BMP7: variants seen among roughly 807,000 people sequenced by gnomAD.
The protein encoded by BMP7 is bone morphogenetic protein 7.
Under a neutral mutation model 41.2 loss-of-function variants are expected in BMP7, and 12 were observed. The observed-to-expected ratio is 0.29, with a 90% CI of 0.19 to 0.47. BMP7 has a LOEUF of 0.47. Among genes scored for constraint, BMP7 ranks in the 20% least tolerant of loss-of-function variants. The pLI is 0.99. For synonymous variants in BMP7, 248 were observed against 250.0 expected (o/e 0.99, Z 0.07); for missense variants, 467 against 606.0 (o/e 0.77, Z 2.41).
intron 3 of BMP7, among the ~76,000 whole-genome samples, chr20:57,197,423 G>T (rs1207756098): frequency 6.6e-6 from 1 of 152,158 alleles, no homozygotes; most frequent in Non-Finnish European, 1.5e-5. Flanking sequence ...TGGGTCCCCT[G>T]CAGGGGCTCA....
chr20:57,229,778 G>A (rs541629560), intron 1 of BMP7, among the ~76,000 whole-genome samples: 3 of 152,350 alleles, frequency 2.0e-5, no homozygotes, highest in East Asian at 1.9e-4. Flanking sequence ...CTCAGGCTGG[G>A]TTATGGCTGC....
chr20:57,235,910 TAGGGAGTGAGGACAGAGGC>T (rs55692621), intron 1 of BMP7, among the ~76,000 whole-genome samples: 45,105 of 150,134 alleles, frequency 0.3, 7,354 homozygotes, highest in South Asian at 0.39. Flanking sequence ...AAGTGGATTA[TAGGGAGTGAGGACAGAGGC>T]AGGGAGTGAG....
rs78791868 is a variant in BMP7, at chr20:57,203,139, C to T, written c.612-516G>A. 9.6e-3 allele frequency among the ~76,000 whole-genome samples: 1,468 copies of T among 152,196 alleles called. 14 individuals are homozygous for T. The highest frequency in any genetic ancestry group is 0.027 in the Middle Eastern group (8 of 294). ...CCAAGGTCATTTAACCAGGAAGTTGCCAAGCTGGGGTTTCAGCCCATTTAC... is the reference window on the plus strand; with the variant it reads ...CCAAGGTCATTTAACCAGGAAGTTGTCAAGCTGGGGTTTCAGCCCATTTAC... On this transcript the variant is annotated intron_variant, in intron 2 of 6. Coordinates refer to ENST00000395863, the MANE Select transcript of BMP7 (RefSeq NM_001719.3).
intron 2 of BMP7, among the ~76,000 whole-genome samples, chr20:57,211,394 G>C (rs1482628369): frequency 6.6e-6 from 1 of 152,186 alleles, no homozygotes; most frequent in Non-Finnish European, 1.5e-5. Context: ...GGCAGGGCAG[G>C]AGAGGACGGG....
chr20:57,261,644 G>A lies in BMP7; in HGVS notation c.418+4061C>T, dbSNP rs2066154629. ...GCGCTCTGCAGAAAGAAAGAAGGGG[G>A]GAGCTGTGTGACATCTATATTAACC... On this transcript the variant is annotated intron_variant, in intron 1 of 6. Coordinates refer to ENST00000395863, the MANE Select transcript of BMP7 (RefSeq NM_001719.3). The surrounding 1 kb of genome is among the most constrained non-coding windows in gnomAD (Gnocchi z 4.1). 6.6e-6 allele frequency among the ~76,000 whole-genome samples: 1 copy of A among 152,164 alleles called. No individual in the cohort carries two copies. Among genetic ancestry groups the A allele is most frequent in the South Asian group, 2.1e-4 (1 of 4,832 alleles).
At position 57,266,230 on chromosome 20, in the gene BMP7, G is replaced by C. The variant is rs897298987; in HGVS notation, c.-108C>G. 4.3e-6 allele frequency: 5 copies of C among 1,159,328 alleles called. No individual in the cohort carries two copies. The African/African-American group carries it at 4.9e-5, about 11-fold the overall frequency. 71.8% of individuals were successfully genotyped at this position (1,159,328 alleles called of 1,614,324 possible). On this transcript the variant is annotated 5_prime_UTR_variant, in exon 1 of 7. Transcript: ENST00000395863. ...CGCCGCTCGGTCACTTGCTGCAGAC[G>C]GGCCCCGCTGCGCCCGCGCCAGACA... is the stretch of plus-strand genomic sequence containing the variant.
intron 1 of BMP7, among the ~76,000 whole-genome samples, chr20:57,237,499 TG>T (rs914107282): frequency 3.9e-5 from 6 of 152,228 alleles, no homozygotes; most frequent in Non-Finnish European, 8.8e-5. Flanking sequence ...TGAAATTTGA[TG>T]ATGGCTCTTC....
intron 1 of BMP7, among the ~76,000 whole-genome samples, chr20:57,234,114 C>T (rs1018073975): frequency 6.6e-6 from 1 of 152,126 alleles, no homozygotes; most frequent in Non-Finnish European, 1.5e-5. Flanking sequence ...ATCTGTCTCT[C>T]TTGGAGAGTC....
chr20:57,247,208 C>T (rs2066093953), intron 1 of BMP7, among the ~76,000 whole-genome samples: 1 of 152,184 alleles, frequency 6.6e-6, no homozygotes, highest in African/African-American at 2.4e-5. Context: ...CATGAGTGAA[C>T]ATGTGATTCA....
chr20:57,208,686 C>T lies in BMP7; in HGVS notation c.612-6063G>A, dbSNP rs189897801. 4.6e-5 allele frequency among the ~76,000 whole-genome samples: 7 copies of T among 152,268 alleles called. No individual in the cohort carries two copies. In the East Asian group the frequency reaches 1.4e-3, roughly 29 times the overall value. ...AAAAAGGTAGAAACAGCCAAAGTGT[C>T]CATCAACTCATGAACAGATAAACAA... On this transcript the variant is annotated intron_variant, in intron 2 of 6. Coordinates refer to ENST00000395863, the MANE Select transcript of BMP7 (RefSeq NM_001719.3).
At chr20:57,243,076 G>A (rs1470278469) in intron 1 of BMP7, among the ~76,000 whole-genome samples, 3 of 152,204 alleles carry the variant, frequency 2.0e-5, no homozygotes, top group African/African-American at 7.2e-5. Flanking sequence ...GATCACAGGT[G>A]TCCCCATCAT....
At chr20:57,193,801 A>T (rs1984430440) in intron 3 of BMP7, among the ~76,000 whole-genome samples, 1 of 152,206 alleles carries the variant, frequency 6.6e-6, no homozygotes, top group Non-Finnish European at 1.5e-5. Context: ...CATTGCCAAA[A>T]CCAGCCCTTT....
At chr20:57,204,938 T>C (rs1041424202) in intron 2 of BMP7, among the ~76,000 whole-genome samples, 1 of 152,194 alleles carries the variant, frequency 6.6e-6, no homozygotes, top group Non-Finnish European at 1.5e-5. Context: ...GATTAGGCCA[T>C]TGGGGATGGA....
chr20:57,266,592 G>A lies in BMP7; in HGVS notation c.-470C>T, dbSNP rs543982438. 6.5e-6 allele frequency: 1 copy of A among 152,774 alleles called. No individual in the cohort carries two copies. Among genetic ancestry groups the A allele is most frequent in the Non-Finnish European group, 1.5e-5 (1 of 68,376 alleles). 9.5% of individuals were successfully genotyped at this position (152,774 alleles called of 1,614,324 possible). On this transcript the variant is annotated 5_prime_UTR_variant, in exon 1 of 7. Transcript: ENST00000395863. ...GCAGGGGCCCCGGGGCGCTCTCCCA[G>A]CCTTGTGCGCCCTGGATCGCACAAG...
At position 57,228,240 on chromosome 20, in the gene BMP7, C is replaced by T. The variant is rs1310614323; in HGVS notation, c.600G>A (p.Glu200=). 3 of 1,613,542 alleles carry T rather than the reference C, an allele frequency of 1.9e-6. No individual in the cohort carries two copies. In the African/African-American group the frequency reaches 4.0e-5, roughly 22 times the overall value. The stretch of plus-strand genomic sequence containing the variant: ...CGTATAGCACCCACCTGCCCAAGTG[C>T]TCCTGGAGCACCTGATAAACGCTGA... The part of the protein sequence containing the change: ...FRISVYQVLQ[E]HLGRESDLFL... The change falls in exon 2 of 7, where the codon GAG becomes GAA. Residue 200 remains glutamate (E), a synonymous_variant. Transcript: ENST00000395863. This position sits in a 1 kb window ranked among gnomAD's most constrained non-coding sequence, Gnocchi z 4.5.
chr20:57,186,516 C>G (rs1452550401), intron 3 of BMP7, among the ~76,000 whole-genome samples: 1 of 152,148 alleles, frequency 6.6e-6, no homozygotes, highest in Non-Finnish European at 1.5e-5. Context: ...GCCTGTTTTA[C>G]TCATGACAGC....
At chr20:57,200,066 A>G (rs1984586771) in intron 3 of BMP7, among the ~76,000 whole-genome samples, 1 of 152,200 alleles carries the variant, frequency 6.6e-6, no homozygotes, top group African/African-American at 2.4e-5. Context: ...AGGAGCCTCC[A>G]TTTCCTGCCT....
chr20:57,212,573 G>A (rs1419351888), intron 2 of BMP7, among the ~76,000 whole-genome samples: 1 of 152,244 alleles, frequency 6.6e-6, no homozygotes, highest in East Asian at 1.9e-4. Flanking sequence ...AACGGTTGCT[G>A]GGCCGCAAGG....
chr20:57,241,894 G>A (rs1425377443), intron 1 of BMP7, among the ~76,000 whole-genome samples: 1 of 152,192 alleles, frequency 6.6e-6, no homozygotes, highest in Non-Finnish European at 1.5e-5. Context: ...AGGGAAAAAA[G>A]ATGGGTTTAA....
Sources: gnomAD v4.1 joint callset for allele counts (sites outside exome capture counted in the v4.1 genomes callset) on GRCh38, gnomAD v4.1.1 for gene constraint, Gnocchi (gnomAD v3.1) non-coding constraint, MANE v1.5 for transcripts, NCBI Gene and HGNC (gene_info 2026-07-23, HGNC 2026-07-21) for gene names.